KIF16B: variants seen among roughly 807,000 people sequenced by gnomAD.
KIF16B encodes kinesin family member 16B, also known as kinesin-like protein KIF16B.
In KIF16B, 98 loss-of-function variants were observed where a neutral mutation model predicts 156.3. That is an observed-to-expected ratio of 0.63 (90% CI 0.53 to 0.74). KIF16B has a LOEUF of 0.74. KIF16B is among the 30% of genes least tolerant of loss of function. KIF16B has a pLI of 0.00. For synonymous variants in KIF16B, 564 were observed against 583.7 expected (o/e 0.97, Z 0.49); for missense variants, 1,421 against 1,606.5 (o/e 0.88, Z 1.97).
intron 10 of KIF16B, among the ~76,000 whole-genome samples, chr20:16,498,461 G>A (rs984601259): frequency 1.1e-4 from 17 of 152,290 alleles, no homozygotes; most frequent in African/African-American, 4.1e-4. Flanking sequence ...TAAACTTACA[G>A]TTACTCTGGT....
intron 12 of KIF16B, among the ~76,000 whole-genome samples, chr20:16,462,858 G>A (rs907810314): frequency 3.3e-5 from 5 of 152,198 alleles, no homozygotes; most frequent in South Asian, 2.1e-4. Context: ...AAGCACATTC[G>A]ACATGGAGGC....
chr20:16,486,686 C>T (rs889854400), intron 12 of KIF16B, among the ~76,000 whole-genome samples: 5 of 152,140 alleles, frequency 3.3e-5, no homozygotes, highest in Non-Finnish European at 1.5e-5. Context: ...CACTTGGAAA[C>T]TCAATATATT....
At chr20:16,278,520 A>G (rs2063097686) in intron 25 of KIF16B, among the ~76,000 whole-genome samples, 1 of 152,166 alleles carries the variant, frequency 6.6e-6, no homozygotes, top group South Asian at 2.1e-4. Context: ...CCTCGATTTC[A>G]TGAATTGCCT....
At chr20:16,505,894 T>TA in intron 8 of KIF16B, 41 bp from the exon 9 acceptor site, 1 of 1,607,888 alleles carries the variant, frequency 6.2e-7, no homozygotes, top group Non-Finnish European at 8.5e-7. Context: ...GGACAATTAG[T>TA]AAAATTTTTT....
chr20:16,385,970 C>G (rs2876428), intron 17 of KIF16B, among the ~76,000 whole-genome samples: 102,892 of 152,140 alleles, frequency 0.68, 35,533 homozygotes, highest in East Asian at 0.99. Flanking sequence ...TGCTTTCAAG[C>G]TAAGCTCAGT....
chr20:16,561,947 G>C (rs563163444), intron 1 of KIF16B, among the ~76,000 whole-genome samples: 46 of 152,178 alleles, frequency 3.0e-4, no homozygotes, highest in Non-Finnish European at 6.2e-4. Context: ...ATGCAATGTG[G>C]GATCCCGGAT....
chr20:16,502,317 C>T (rs567388847), intron 10 of KIF16B, among the ~76,000 whole-genome samples: 51 of 152,188 alleles, frequency 3.4e-4, no homozygotes, highest in African/African-American at 1.2e-3. Flanking sequence ...AAAATGTATA[C>T]AGAGATGTTT....
At chr20:16,378,402 G>C (rs2065003377) in intron 19 of KIF16B, among the ~76,000 whole-genome samples, 2 of 148,800 alleles carry the variant, frequency 1.3e-5, no homozygotes, top group Non-Finnish European at 3.0e-5. Flanking sequence ...GGAGAGGAGG[G>C]AACTGAAGGG....
chr20:16,373,098 C>T (rs1344498903), intron 20 of KIF16B, among the ~76,000 whole-genome samples: 1 of 152,160 alleles, frequency 6.6e-6, no homozygotes, highest in Non-Finnish European at 1.5e-5. Context: ...ATCCTGCAAT[C>T]ATTTCTATAC....
intron 12 of KIF16B, among the ~76,000 whole-genome samples, chr20:16,492,120 G>A (rs1316001955): frequency 6.6e-6 from 1 of 152,186 alleles, no homozygotes; most frequent in Non-Finnish European, 1.5e-5. Flanking sequence ...CACAGCTCAG[G>A]AAACTGCCAC....
At chr20:16,448,149 TCA>T (rs933604150) in intron 12 of KIF16B, among the ~76,000 whole-genome samples, 43 of 152,178 alleles carry the variant, frequency 2.8e-4, no homozygotes, top group African/African-American at 9.7e-4. Flanking sequence ...CCACCAGTTC[TCA>T]CTCAGTCATC....
chr20:16,426,622 C>G (rs2066359412), intron 15 of KIF16B, among the ~76,000 whole-genome samples: 1 of 152,150 alleles, frequency 6.6e-6, no homozygotes, highest in African/African-American at 2.4e-5. Context: ...GCACTATTTA[C>G]TTTCCAATAA....
At position 16,393,263 on chromosome 20, in the gene KIF16B, A is replaced by G. The variant is rs906028611; in HGVS notation, c.1785-11516T>C. Reference sequence around the variant, plus strand: ...CTTGTGATTACTTTATTCATTTCTGAATGTGTTACTTTTTATAATAAGCAT... The same window carrying G: ...CTTGTGATTACTTTATTCATTTCTGGATGTGTTACTTTTTATAATAAGCAT... On this transcript the variant is annotated intron_variant, in intron 17 of 25. Coordinates refer to ENST00000354981, the MANE Select transcript of KIF16B (RefSeq NM_024704.5). Among the ~76,000 whole-genome samples, 15 of 152,328 alleles carry G rather than the reference A, an allele frequency of 9.8e-5. No homozygotes were observed. The East Asian group carries it at 2.1e-3, about 22-fold the overall frequency.
chr20:16,464,844 A>G (rs908365268), intron 12 of KIF16B, among the ~76,000 whole-genome samples: 1 of 152,168 alleles, frequency 6.6e-6, no homozygotes, highest in Non-Finnish European at 1.5e-5. Flanking sequence ...TTTCAAACTA[A>G]AATGTCATTG....
At chr20:16,522,877 G>A (rs1369641502) in intron 3 of KIF16B, among the ~76,000 whole-genome samples, 6 of 151,870 alleles carry the variant, frequency 4.0e-5, no homozygotes, top group East Asian at 3.9e-4. Flanking sequence ...ACTCAAAACC[G>A]CACAATCACA....
intron 12 of KIF16B, among the ~76,000 whole-genome samples, chr20:16,470,778 T>C (rs2067641699): frequency 6.6e-6 from 1 of 151,996 alleles, no homozygotes; most frequent in East Asian, 1.9e-4. Context: ...ATTACAGGCA[T>C]GAACCAATGC....
chr20:16,572,964 G>A (rs908820412), intron 1 of KIF16B, among the ~76,000 whole-genome samples: 3 of 152,064 alleles, frequency 2.0e-5, no homozygotes, highest in Non-Finnish European at 4.4e-5. Context: ...CTTTTTTAAA[G>A]GGGGAACAAG....
intron 12 of KIF16B, among the ~76,000 whole-genome samples, chr20:16,479,649 T>C (rs564695596): frequency 3.3e-5 from 5 of 152,352 alleles, no homozygotes; most frequent in African/African-American, 4.8e-5. Flanking sequence ...CCCGTATTTT[T>C]ACTGTACCTT....
intron 1 of KIF16B, among the ~76,000 whole-genome samples, chr20:16,534,296 T>C (rs188829412): frequency 2.1e-5 from 3 of 145,278 alleles, no homozygotes; most frequent in African/African-American, 5.0e-5. Flanking sequence ...TCTTAGTATT[T>C]ATAACACAGA....
Sources: allele counts gnomAD v4.1 joint callset (sites outside exome capture counted in the v4.1 genomes callset), GRCh38; gene constraint gnomAD v4.1.1; transcripts MANE v1.5; gene names NCBI Gene and HGNC (gene_info 2026-07-23, HGNC 2026-07-21).